Variants in SEMA4A observed in about 807,000 individuals in gnomAD.
SEMA4A encodes the protein semaphorin-4A.
In SEMA4A, 52 loss-of-function variants were observed where a neutral mutation model predicts 72.5. The observed-to-expected ratio is 0.72, with a 90% CI of 0.57 to 0.90. SEMA4A has a LOEUF of 0.90. Ranked by LOEUF, SEMA4A falls within the 40% of genes least tolerant of loss-of-function variation. The pLI is 0.00. For synonymous variants in SEMA4A, 369 were observed against 393.1 expected (o/e 0.94, Z 0.73); for missense variants, 926 against 959.7 (o/e 0.96, Z 0.46).
Position 156,158,092 on chromosome 1 carries a change from GAA to G in SEMA4A, c.328_329del (p.Lys110GlufsTer2), listed in dbSNP as rs780667660. On this transcript the variant is annotated frameshift_variant, in exon 4 of 15. Transcript: ENST00000368285. LOFTEE classifies it high-confidence loss of function. Reference sequence around the variant, plus strand: ...CAGATACCGTGGCCAGCCAGTGACAGAAAAAAGAGTGAATGTGCCTTTAAGAA... The same window carrying G: ...CAGATACCGTGGCCAGCCAGTGACAGAAAAGAGTGAATGTGCCTTTAAGAA... 2.8e-5 allele frequency: 45 copies of G among 1,614,038 alleles called. No homozygotes were observed. Among genetic ancestry groups the G allele is most frequent in the Non-Finnish European group, 3.6e-5 (43 of 1,180,034 alleles).
intron 13 of SEMA4A, 125 bp downstream of exon 13, chr1:156,175,368 G>T: frequency 1.6e-6 from 2 of 1,282,914 alleles, no homozygotes; most frequent in East Asian, 2.3e-5. Flanking sequence ...CTCCCATCCT[G>T]CAGTGGGTTC....
intron 10 of SEMA4A, among the ~76,000 whole-genome samples, chr1:156,167,345 C>T (rs1274029031): frequency 6.6e-6 from 1 of 151,322 alleles, no homozygotes; most frequent in Non-Finnish European, 1.5e-5. Context: ...TAAAAATTAG[C>T]TGGGTGTTGT....
At chr1:156,165,907 C>CTTTTTTTTTTTTTTT (rs71080751) in intron 10 of SEMA4A, among the ~76,000 whole-genome samples, 1 of 112,948 alleles carries the variant, frequency 8.9e-6, no homozygotes, top group Non-Finnish European at 1.7e-5. Context: ...TTCCTATCTT[C>CTTTTTTTTTTTTTTT]TTTTTTTTTT....
In SEMA4A at chr1:156,177,612, G is replaced by C. The variant is rs1655470699; in HGVS notation, c.*615G>C. 6.2e-6 allele frequency: 1 copy of C among 161,016 alleles called. No homozygotes were observed. Among genetic ancestry groups the C allele is most frequent in the Non-Finnish European group, 1.4e-5 (1 of 72,296 alleles). The allele number at this position is 161,016 out of a possible 1,614,324, so 10.0% of individuals were successfully genotyped here. ...CCTTCTGCCCTGGCAGAATGGCAGG[G>C]GTAATCTGAGCCTTCTTCACTCCTT... On this transcript the variant is annotated 3_prime_UTR_variant, in exon 15 of 15. Coordinates refer to ENST00000368285, the MANE Select transcript of SEMA4A (RefSeq NM_022367.4).
chr1:156,172,872 A>T lies in SEMA4A; in HGVS notation c.1181A>T (p.Asp394Val). 1 of 1,614,128 alleles carries T rather than the reference A, an allele frequency of 6.2e-7. No individual in the cohort carries two copies. Among genetic ancestry groups the T allele is most frequent in the Non-Finnish European group, 8.5e-7 (1 of 1,179,994 alleles). Residue 394 changes from aspartate (D) to valine (V), a missense_variant, in exon 11 of 15, where the codon GAC becomes GTC. Asp to Val is a radical substitution (Grantham distance 152). Coordinates refer to ENST00000368285, the MANE Select transcript of SEMA4A (RefSeq NM_022367.4). ...GATAAGGCCCTGACCTTCATGAAGG[A>T]CCATTTCCTGATGGATGAGCAAGTG... is the stretch of plus-strand genomic sequence containing the variant. ...SSDKALTFMK[D>V]HFLMDEQVVG...
chr1:156,154,712 A>G lies in SEMA4A; in HGVS notation c.134A>G (p.Tyr45Cys), dbSNP rs767886618. ...GGGCCCATGCCCAGGGTCAGATACT[A>G]TGCAGGTAAGTGTCCGACAGCAGGA... ...GQGPMPRVRY[Y>C]AGDERRALSF... Residue 45 changes from tyrosine (Y) to cysteine (C), a missense_variant, in exon 2 of 15, where the codon TAT becomes TGT. Coordinates refer to ENST00000368285, the MANE Select transcript of SEMA4A (RefSeq NM_022367.4). The G allele has an allele frequency of 5.2e-5, 82 of 1,582,844 alleles. No homozygotes were observed. The highest frequency in any genetic ancestry group is 6.9e-5 in the Non-Finnish European group (80 of 1,164,808).
At chr1:156,171,444 A>G (rs1654764153) in intron 10 of SEMA4A, among the ~76,000 whole-genome samples, 1 of 152,212 alleles carries the variant, frequency 6.6e-6, no homozygotes, top group South Asian at 2.1e-4. Flanking sequence ...GTGAGGAGAA[A>G]TGCTCCGTGC....
chr1:156,160,009 G>C (rs1001462712), intron 6 of SEMA4A, among the ~76,000 whole-genome samples: 6 of 151,984 alleles, frequency 3.9e-5, no homozygotes, highest in Non-Finnish European at 7.4e-5. Context: ...TGCCTTCCTG[G>C]AGGAGATGGC....
At chr1:156,163,712 C>T (rs71630618) in intron 10 of SEMA4A, among the ~76,000 whole-genome samples, 2 of 104,526 alleles carry the variant, frequency 1.9e-5, no homozygotes, top group East Asian at 2.9e-4. Context: ...AAGAGTGAGA[C>T]TCAGTCTCAA....
intron 10 of SEMA4A, chr1:156,163,441 G>A: frequency 6.1e-6 from 2 of 325,288 alleles, no homozygotes; most frequent in South Asian, 5.5e-5. Flanking sequence ...AGAGGCCAGG[G>A]CCGGGTGTGG....
At chr1:156,163,831 G>T (rs560835638) in intron 10 of SEMA4A, among the ~76,000 whole-genome samples, 12 of 151,326 alleles carry the variant, frequency 7.9e-5, no homozygotes, top group African/African-American at 2.7e-4. Context: ...GAGGCCAGGA[G>T]TTTGAGACCA....
chr1:156,156,398 C>A lies in SEMA4A; in HGVS notation c.140-16C>A, dbSNP rs372212700. On this transcript the variant is annotated splice_polypyrimidine_tract_variant and intron_variant, in intron 2 of 14. Transcript: ENST00000368285. Reference sequence around the variant, plus strand: ...ACCAAGTCCTCATCACTCTCTCTGTCTTACTCCTCCAACAGGGGATGAACG... The same window carrying A: ...ACCAAGTCCTCATCACTCTCTCTGTATTACTCCTCCAACAGGGGATGAACG... 3.7e-6 allele frequency: 6 copies of A among 1,613,578 alleles called. No individual in the cohort carries two copies. The highest frequency in any genetic ancestry group is 5.1e-6 in the Non-Finnish European group (6 of 1,179,630).
chr1:156,154,729 A>G lies in SEMA4A; in HGVS notation c.139+12A>G, dbSNP rs1652856976. 3 of 1,576,056 alleles carry G rather than the reference A, an allele frequency of 1.9e-6. No homozygotes were observed. The highest frequency in any genetic ancestry group is 1.9e-5 in the Admixed American group (1 of 52,662). On this transcript the variant is annotated intron_variant, in intron 2 of 14. Transcript: ENST00000368285. ...CAGATACTATGCAGGTAAGTGTCCGACAGCAGGAAGTGTGGGGATAGCAAT... is the reference window on the plus strand; with the variant it reads ...CAGATACTATGCAGGTAAGTGTCCGGCAGCAGGAAGTGTGGGGATAGCAAT...
intron 14 of SEMA4A, among the ~76,000 whole-genome samples, chr1:156,176,030 G>C (rs961154676): frequency 3.3e-5 from 5 of 152,152 alleles, no homozygotes; most frequent in South Asian, 2.1e-4. Flanking sequence ...TGTAATACCA[G>C]CACTTTGAGA....
chr1:156,176,624 A>T lies in SEMA4A; in HGVS notation c.1913A>T (p.Tyr638Phe). 1 of 1,614,064 alleles carries T rather than the reference A, an allele frequency of 6.2e-7. No homozygotes were observed. Among genetic ancestry groups the T allele is most frequent in the Non-Finnish European group, 8.5e-7 (1 of 1,180,000 alleles). ...ENGFSYPVISYWVDSQDQTLA... is the reference protein window; with the variant it reads ...ENGFSYPVISFWVDSQDQTLA... ...GGCTTTTCATACCCTGTGATCTCCT[A>T]CTGGGTGGACAGCCAGGACCAGACC... The change falls in exon 15 of 15, where the codon TAC becomes TTC. Residue 638 changes from tyrosine to phenylalanine, a missense_variant. Physicochemically the swap from Tyr to Phe is conservative, Grantham distance 22. Coordinates refer to ENST00000368285, the MANE Select transcript of SEMA4A (RefSeq NM_022367.4).
At chr1:156,173,753 T>C (rs1037780704) in intron 11 of SEMA4A, among the ~76,000 whole-genome samples, 12 of 151,926 alleles carry the variant, frequency 7.9e-5, no homozygotes, top group African/African-American at 2.9e-4. Context: ...GGACACAAGG[T>C]CATGAGCTGG....
At chr1:156,158,524 A>G (rs1394505577) in intron 5 of SEMA4A, 38 bp downstream of exon 5, 1 of 1,519,100 alleles carries the variant, frequency 6.6e-7, no homozygotes, top group African/African-American at 1.4e-5. Context: ...GCCCCCAAGC[A>G]TCCCTTCTCA....
At chr1:156,156,670 C>T (rs1305407240) in intron 3 of SEMA4A, 96 bp downstream of exon 3, 13 of 1,174,848 alleles carry the variant, frequency 1.1e-5, no homozygotes, top group South Asian at 1.3e-5. Flanking sequence ...AACTTAGTTG[C>T]TGTTATCTGT....
At chr1:156,167,691 T>C (rs572661066) in intron 10 of SEMA4A, among the ~76,000 whole-genome samples, 2 of 152,230 alleles carry the variant, frequency 1.3e-5, no homozygotes, top group South Asian at 2.1e-4. Context: ...AGATTTGGTT[T>C]GGAGGAGGGG....
Sources: allele counts gnomAD v4.1 joint callset (sites outside exome capture counted in the v4.1 genomes callset), GRCh38; gene constraint gnomAD v4.1.1; transcripts MANE v1.5; gene names NCBI Gene and HGNC (gene_info 2026-07-23, HGNC 2026-07-21).